ARHGAP10: variants seen among roughly 807,000 people sequenced by gnomAD.
ARHGAP10 encodes the protein rho GTPase-activating protein 10.
A neutral mutation model predicts 108.6 loss-of-function variants in ARHGAP10; 87 were observed. The observed-to-expected ratio is 0.80, with a 90% confidence interval of 0.67 to 0.96. The LOEUF is 0.96. Among genes scored for constraint, ARHGAP10 ranks in the 40% least tolerant of loss-of-function variants. ARHGAP10 has a pLI of 0.00. For missense variants in ARHGAP10, 939 were observed against 954.5 expected (o/e 0.98, Z 0.21); for synonymous variants, 347 against 341.1 (o/e 1.02, Z -0.19).
At chr4:147,816,405 G>A (rs909643248) in intron 1 of ARHGAP10, among the ~76,000 whole-genome samples, 1 of 152,176 alleles carries the variant, frequency 6.6e-6, no homozygotes, top group Non-Finnish European at 1.5e-5. Context: ...ACCTTTGTGG[G>A]CTCTCCTTGT....
chr4:147,931,154 T>C (rs116229698), intron 13 of ARHGAP10, among the ~76,000 whole-genome samples: 1 of 152,134 alleles, frequency 6.6e-6, no homozygotes, highest in African/African-American at 2.4e-5. Flanking sequence ...TTGTGGGAGA[T>C]TGGAGGAGAC....
intron 20 of ARHGAP10, among the ~76,000 whole-genome samples, chr4:148,054,615 G>A (rs1190178369): frequency 6.6e-6 from 1 of 152,198 alleles, no homozygotes; most frequent in African/African-American, 2.4e-5. Flanking sequence ...AAGTTGTGTT[G>A]TTTTTAGCAG....
intron 1 of ARHGAP10, among the ~76,000 whole-genome samples, chr4:147,746,885 T>C (rs1728947952): frequency 6.6e-6 from 1 of 152,188 alleles, no homozygotes; most frequent in African/African-American, 2.4e-5. Flanking sequence ...CAAGATTCAG[T>C]AATTCTGTTT....
At chr4:147,745,946 C>T (rs1055989801) in intron 1 of ARHGAP10, among the ~76,000 whole-genome samples, 1 of 151,454 alleles carries the variant, frequency 6.6e-6, no homozygotes, top group African/African-American at 2.4e-5. Context: ...ACCACCACAC[C>T]TGGCTAATTT....
At chr4:147,870,697 A>G (rs910080068) in intron 7 of ARHGAP10, among the ~76,000 whole-genome samples, 1 of 152,210 alleles carries the variant, frequency 6.6e-6, no homozygotes, top group Non-Finnish European at 1.5e-5. Context: ...TCAAATTTAA[A>G]GAATATTTTA....
At chr4:147,813,944 A>G (rs1732132138) in intron 1 of ARHGAP10, among the ~76,000 whole-genome samples, 1 of 152,206 alleles carries the variant, frequency 6.6e-6, no homozygotes, top group Non-Finnish European at 1.5e-5. Flanking sequence ...ACTTTTTAGT[A>G]CTATCTTCAA....
At chr4:148,001,958 G>T (rs937203538) in intron 18 of ARHGAP10, among the ~76,000 whole-genome samples, 55 of 152,258 alleles carry the variant, frequency 3.6e-4, no homozygotes, top group Non-Finnish European at 3.7e-4. Flanking sequence ...GTGTTGAATA[G>T]GAGTGGTGAG....
intron 19 of ARHGAP10, among the ~76,000 whole-genome samples, chr4:148,037,098 A>C (rs1280257781): frequency 6.6e-6 from 1 of 152,158 alleles, no homozygotes; most frequent in African/African-American, 2.4e-5. Context: ...GGATCTGGTC[A>C]CCCAGTTTCT....
chr4:147,822,827 T>C lies in ARHGAP10; in HGVS notation c.250+5T>C. On this transcript the variant is annotated splice_donor_5th_base_variant and intron_variant, in intron 2 of 22. Coordinates refer to ENST00000336498, the MANE Select transcript of ARHGAP10 (RefSeq NM_024605.4). ...CAGATGATGAACGATGCATAGGTAA[T>C]TAAACATGATATTTTGGTTTGTTTT... 6.2e-7 allele frequency: 1 copy of C among 1,614,142 alleles called. No homozygotes were observed. Among genetic ancestry groups the C allele is most frequent in the Non-Finnish European group, 8.5e-7 (1 of 1,179,958 alleles).
At chr4:147,883,787 C>T (rs374919155) in intron 10 of ARHGAP10, among the ~76,000 whole-genome samples, 310 of 152,092 alleles carry the variant, frequency 2.0e-3, no homozygotes, top group African/African-American at 6.9e-3. Flanking sequence ...CTCTGCCTCC[C>T]GGGCTCAAGT....
intron 1 of ARHGAP10, among the ~76,000 whole-genome samples, chr4:147,797,711 A>G (rs1472926480): frequency 6.6e-6 from 1 of 152,152 alleles, no homozygotes; most frequent in Non-Finnish European, 1.5e-5. Context: ...GCGCCTGGCC[A>G]GCCAACACGC....
chr4:147,802,787 G>A (rs1270354768), intron 1 of ARHGAP10, among the ~76,000 whole-genome samples: 1 of 152,174 alleles, frequency 6.6e-6, no homozygotes, highest in African/African-American at 2.4e-5. Context: ...CCTTCTCAAA[G>A]TTGTTTCTCA....
rs577182332 is a variant in ARHGAP10, at chr4:147,985,805, C to T, written c.1716+18966C>T. ...CTGTAAGCTTTTCCCCAAGTTAGCT[C>T]CAAGGCTGAAGAGAAACAAAGTGCT... On this transcript the variant is annotated intron_variant, in intron 18 of 22. Transcript: ENST00000336498. 5.3e-5 allele frequency among the ~76,000 whole-genome samples: 8 copies of T among 152,316 alleles called. No individual in the cohort carries two copies. The South Asian group carries it at 1.7e-3, about 32-fold the overall frequency.
At chr4:147,883,718 G>A (rs72957761) in intron 10 of ARHGAP10, among the ~76,000 whole-genome samples, 108 of 151,640 alleles carry the variant, frequency 7.1e-4, no homozygotes, top group African/African-American at 2.3e-3. Flanking sequence ...TTTTTGAGAC[G>A]AGTCTCACTT....
intron 1 of ARHGAP10, among the ~76,000 whole-genome samples, chr4:147,783,063 A>G (rs1394052377): frequency 2.1e-5 from 3 of 142,552 alleles, no homozygotes; most frequent in African/African-American, 7.6e-5. Flanking sequence ...TAAATTATAT[A>G]TATTATATAA....
intron 22 of ARHGAP10, 84 bp from the exon 23 acceptor site, chr4:148,071,909 T>G: frequency 8.4e-7 from 1 of 1,195,286 alleles, no homozygotes; most frequent in African/African-American, 1.5e-5. Flanking sequence ...TACTGGCCAC[T>G]CCCTGCTTGA....
At chr4:147,844,773 GA>G (rs1378902606) in intron 3 of ARHGAP10, among the ~76,000 whole-genome samples, 1 of 152,052 alleles carries the variant, frequency 6.6e-6, no homozygotes, top group South Asian at 2.1e-4. Flanking sequence ...GCCTTCATTT[GA>G]ACCACCGCCA....
chr4:147,749,031 T>TTGATC (rs1354442520), intron 1 of ARHGAP10, among the ~76,000 whole-genome samples: 4 of 152,238 alleles, frequency 2.6e-5, no homozygotes, highest in Admixed American at 2.6e-4. Context: ...TAGACCTGTT[T>TTGATC]TGATCTGGGC....
intron 19 of ARHGAP10, among the ~76,000 whole-genome samples, chr4:148,031,115 T>G (rs1728131859): frequency 6.6e-6 from 1 of 152,182 alleles, no homozygotes; most frequent in Non-Finnish European, 1.5e-5. Flanking sequence ...CTACTAATAG[T>G]CTTTAAAATC....
Sources: gnomAD v4.1 joint callset for allele counts (sites outside exome capture counted in the v4.1 genomes callset) on GRCh38, gnomAD v4.1.1 for gene constraint, MANE v1.5 for transcripts, NCBI Gene and HGNC (gene_info 2026-07-23, HGNC 2026-07-21) for gene names.